POU6F2: variants seen among roughly 807,000 people sequenced by gnomAD.
POU6F2 encodes the protein POU class 6 homeobox 2.
A neutral mutation model predicts 71.3 loss-of-function variants in POU6F2; 31 were observed. That is an observed-to-expected ratio of 0.43 (90% confidence interval 0.33 to 0.59). POU6F2 has a LOEUF of 0.59. POU6F2 is among the 20% of genes least tolerant of loss of function. POU6F2 has a pLI of 0.04. For missense variants in POU6F2, 783 were observed against 856.8 expected (o/e 0.91, Z 1.07); for synonymous variants, 347 against 355.7 (o/e 0.98, Z 0.27).
At chr7:39,022,839 G>A (rs931722582) in intron 1 of POU6F2, among the ~76,000 whole-genome samples, 1 of 152,014 alleles carries the variant, frequency 6.6e-6, no homozygotes, top group Non-Finnish European at 1.5e-5. Context: ...TGGACATATG[G>A]TTTCATTTCT....
At chr7:39,400,096 G>T (rs561150335) in intron 5 of POU6F2, among the ~76,000 whole-genome samples, 97 of 152,204 alleles carry the variant, frequency 6.4e-4, no homozygotes, top group African/African-American at 2.3e-3. Context: ...CCTCTCCTTC[G>T]TTCGGGAGTG....
intron 1 of POU6F2, among the ~76,000 whole-genome samples, chr7:39,017,813 C>CGTGT (rs70977447): frequency 0.098 from 14,512 of 147,688 alleles, 889 homozygotes; most frequent in African/African-American, 0.16. Flanking sequence ...ATTGTGCATG[C>CGTGT]GTGTGTGTGT....
chr7:39,264,192 C>T (rs556033278), intron 4 of POU6F2, among the ~76,000 whole-genome samples: 32 of 152,284 alleles, frequency 2.1e-4, no homozygotes, highest in African/African-American at 7.7e-4. Context: ...ATTCACCCAC[C>T]TCAGCTGTGG....
intron 1 of POU6F2, among the ~76,000 whole-genome samples, chr7:38,990,610 T>G (rs1296863553): frequency 1.3e-5 from 2 of 152,158 alleles, no homozygotes; most frequent in African/African-American, 4.8e-5. Context: ...CTTACTGCTT[T>G]GGAACATCAG....
At chr7:39,358,791 C>T (rs1272976888) in intron 5 of POU6F2, among the ~76,000 whole-genome samples, 2 of 149,166 alleles carry the variant, frequency 1.3e-5, no homozygotes, top group African/African-American at 4.9e-5. Context: ...ATCAGGTGTG[C>T]TTTATGGTCC....
At position 39,360,679 on chromosome 7, in the gene POU6F2, G is replaced by A. The variant is rs111861665; in HGVS notation, c.972+20664G>A. Among the ~76,000 whole-genome samples, 1,472 of 152,170 alleles carry A rather than the reference G, an allele frequency of 9.7e-3. 10 individuals are homozygous for A. Among genetic ancestry groups the A allele is most frequent in the Non-Finnish European group, 0.013 (913 of 67,996 alleles). On this transcript the variant is annotated intron_variant, in intron 5 of 9. Coordinates refer to ENST00000518318, the MANE Select transcript of POU6F2 (RefSeq NM_001370959.1). ...TTAAGAAAGTAAAGAATGAAAGAAT[G>A]GCTACTTCCATAGGCAGAGGAGCCC...
chr7:39,326,303 A>C (rs1191693842), intron 4 of POU6F2, among the ~76,000 whole-genome samples: 1 of 152,248 alleles, frequency 6.6e-6, no homozygotes, highest in African/African-American at 2.4e-5. Flanking sequence ...TTTGCAAAGC[A>C]CAAAGAACCG....
At position 39,066,586 on chromosome 7, in the gene POU6F2, T is replaced by G. The variant is rs116935152; in HGVS notation, c.106-19274T>G. Among the ~76,000 whole-genome samples the G allele has an allele frequency of 6.8e-3, 1,028 of 151,614 alleles. 9 individuals are homozygous for G. Among genetic ancestry groups the G allele is most frequent in the Non-Finnish European group, 8.5e-3 (576 of 67,592 alleles). On this transcript the variant is annotated intron_variant, in intron 1 of 9. Transcript: ENST00000518318. ...ACAACACATAAAATATTTGGAAATTTTAAAACAAAAATGTCTGTAGCAGGT... is the reference window on the plus strand; with the variant it reads ...ACAACACATAAAATATTTGGAAATTGTAAAACAAAAATGTCTGTAGCAGGT...
At chr7:38,997,058 A>G (rs886221363) in intron 1 of POU6F2, among the ~76,000 whole-genome samples, 3 of 152,110 alleles carry the variant, frequency 2.0e-5, no homozygotes, top group African/African-American at 7.2e-5. Context: ...CTTTTTTTCA[A>G]ACAAATTTAA....
At chr7:39,157,830 A>G (rs1242748290) in intron 2 of POU6F2, among the ~76,000 whole-genome samples, 2 of 152,182 alleles carry the variant, frequency 1.3e-5, no homozygotes, top group Non-Finnish European at 2.9e-5. Context: ...TAAACTGACA[A>G]AGTTTTGAGG....
chr7:39,189,173 T>C (rs1202759993), intron 2 of POU6F2, among the ~76,000 whole-genome samples: 1 of 152,156 alleles, frequency 6.6e-6, no homozygotes, highest in Non-Finnish European at 1.5e-5. Flanking sequence ...CAACATCAGA[T>C]GAGGCCACAA....
At chr7:39,382,987 T>C (rs1786861263) in intron 5 of POU6F2, among the ~76,000 whole-genome samples, 1 of 152,238 alleles carries the variant, frequency 6.6e-6, no homozygotes. Context: ...TAATATATCA[T>C]GTAGTTTTTA....
chr7:39,227,700 A>C (rs947687645), intron 4 of POU6F2, among the ~76,000 whole-genome samples: 1 of 151,988 alleles, frequency 6.6e-6, no homozygotes, highest in Non-Finnish European at 1.5e-5. Flanking sequence ...GGCTACAGGC[A>C]TCCGCCACCA....
chr7:39,245,866 AC>A (rs1160488873), intron 4 of POU6F2, among the ~76,000 whole-genome samples: 2 of 152,120 alleles, frequency 1.3e-5, no homozygotes, highest in Non-Finnish European at 2.9e-5. Flanking sequence ...TGCCCTCACC[AC>A]TATTTCCAAC....
intron 4 of POU6F2, among the ~76,000 whole-genome samples, chr7:39,315,627 A>G (rs994981802): frequency 9.2e-5 from 14 of 152,162 alleles, no homozygotes; most frequent in African/African-American, 3.4e-4. Flanking sequence ...CTCTGCTTTA[A>G]TCCTCTTTAT....
intron 1 of POU6F2, among the ~76,000 whole-genome samples, chr7:39,017,822 G>GTGTT (rs1554308540): frequency 6.6e-6 from 1 of 151,554 alleles, no homozygotes; most frequent in South Asian, 2.1e-4. Context: ...GCGTGTGTGT[G>GTGTT]TGTGTGTGTG....
At chr7:39,298,241 G>A (rs552635580) in intron 4 of POU6F2, among the ~76,000 whole-genome samples, 19 of 152,268 alleles carry the variant, frequency 1.2e-4, no homozygotes, top group African/African-American at 4.3e-4. Flanking sequence ...CACAGAATGG[G>A]AGAAAATTTT....
chr7:39,059,554 T>C (rs990350536), intron 1 of POU6F2, among the ~76,000 whole-genome samples: 3 of 149,510 alleles, frequency 2.0e-5, no homozygotes, highest in African/African-American at 7.4e-5. Flanking sequence ...TGTGGAGAAA[T>C]TGAAACCCTC....
At chr7:39,248,817 G>A (rs970523927) in intron 4 of POU6F2, among the ~76,000 whole-genome samples, 2 of 152,136 alleles carry the variant, frequency 1.3e-5, no homozygotes, top group Non-Finnish European at 1.5e-5. Flanking sequence ...GTAGAGACAG[G>A]TTAGCCCAGT....
Sources: allele counts gnomAD v4.1 joint callset (sites outside exome capture counted in the v4.1 genomes callset), GRCh38; gene constraint gnomAD v4.1.1; transcripts MANE v1.5; gene names NCBI Gene and HGNC (gene_info 2026-07-23, HGNC 2026-07-21).